The following CGA variants were observed in gnomAD, a reference collection of about 807,000 sequenced individuals.
The protein encoded by CGA is glycoprotein hormones, alpha polypeptide.
Under a neutral mutation model 12.0 loss-of-function variants are expected in CGA, and 4 were observed. The observed-to-expected ratio is 0.33, with a 90% CI of 0.16 to 0.76. The LOEUF (loss-of-function observed/expected upper bound fraction) is 0.76, where lower values mean the gene tolerates loss of function less well. Ranked by LOEUF, CGA falls within the 30% of genes least tolerant of loss-of-function variation. The pLI is 0.60. For missense variants in CGA, 102 were observed against 143.5 expected (o/e 0.71, Z 1.48); for synonymous variants, 60 against 56.6 (o/e 1.06, Z -0.27).
intron 1 of CGA, among the ~76,000 whole-genome samples, chr6:87,091,199 G>A (rs1000547065): frequency 2.6e-5 from 4 of 152,098 alleles, no homozygotes; most frequent in South Asian, 4.1e-4. Flanking sequence ...AAGTCAATGC[G>A]CATTTTAGAA....
chr6:87,093,636 G>A (rs758427163), intron 1 of CGA, among the ~76,000 whole-genome samples: 2 of 152,178 alleles, frequency 1.3e-5, no homozygotes, highest in Non-Finnish European at 2.9e-5. Flanking sequence ...TGAGAAAGTA[G>A]ATTACTTTGA....
chr6:87,092,083 G>GTT (rs1554189001), intron 1 of CGA, among the ~76,000 whole-genome samples: 1 of 101,012 alleles, frequency 9.9e-6, no homozygotes, highest in Non-Finnish European at 2.1e-5. Flanking sequence ...ACTTTAAAAG[G>GTT]ATTTTTTTTT....
intron 1 of CGA, among the ~76,000 whole-genome samples, chr6:87,090,456 A>T (rs1255125156): frequency 6.6e-6 from 1 of 152,054 alleles, no homozygotes; most frequent in Non-Finnish European, 1.5e-5. Flanking sequence ...AAACAATGCC[A>T]CTCATCACTA....
intron 1 of CGA, among the ~76,000 whole-genome samples, chr6:87,091,190 A>G (rs1023809583): frequency 3.2e-4 from 48 of 152,238 alleles, no homozygotes; most frequent in Non-Finnish European, 1.8e-4. Flanking sequence ...GAAAGCATGA[A>G]GTCAATGCGC....
At chr6:87,087,348 C>G (rs1769342151) in intron 2 of CGA, among the ~76,000 whole-genome samples, 1 of 152,188 alleles carries the variant, frequency 6.6e-6, no homozygotes, top group Non-Finnish European at 1.5e-5. Flanking sequence ...CATGGATTCT[C>G]TATCCCAATG....
At chr6:87,088,352 A>G (rs879536740) in intron 1 of CGA, 145 bp from the exon 2 acceptor site, 7 of 443,860 alleles carry the variant, frequency 1.6e-5, no homozygotes, top group Admixed American at 1.2e-4. Flanking sequence ...AGCTCCCAAC[A>G]TATACTAAAA....
chr6:87,090,778 C>T lies in CGA; in HGVS notation c.-7-2571G>A, dbSNP rs1312570723. ...TCAGCCTCCCGAATAGCTGGGACTA[C>T]AGGCACATGCCACCACGCTTGGCTA... On this transcript the variant is annotated intron_variant, in intron 1 of 3. Coordinates refer to ENST00000627148, the MANE Select transcript of CGA (RefSeq NM_000735.4). 4.0e-5 allele frequency among the ~76,000 whole-genome samples: 6 copies of T among 150,776 alleles called. No homozygotes were observed. The Admixed American group carries it at 4.0e-4, about 10-fold the overall frequency.
intron 1 of CGA, among the ~76,000 whole-genome samples, 178 bp from the exon 2 acceptor site, chr6:87,088,385 A>T (rs1348407539): frequency 6.6e-6 from 1 of 152,120 alleles, no homozygotes; most frequent in African/African-American, 2.4e-5. Flanking sequence ...TTTTAAAAAA[A>T]GTTCTCCTTA....
intron 2 of CGA, 33 bp downstream of exon 2, chr6:87,088,080 C>G (rs529537539): frequency 1.5e-6 from 2 of 1,318,868 alleles, no homozygotes; most frequent in African/African-American, 3.0e-5. Context: ...GTGTGTTGTC[C>G]TTATTACTTG....
chr6:87,092,745 T>A, intron 1 of CGA, among the ~76,000 whole-genome samples: 2 of 109,516 alleles, frequency 1.8e-5, no homozygotes, highest in South Asian at 2.7e-4. Context: ...TAGCTTTCTT[T>A]TTTTTTTTTT....
intron 1 of CGA, among the ~76,000 whole-genome samples, chr6:87,092,665 A>G (rs1769462211): frequency 6.6e-6 from 1 of 152,054 alleles, no homozygotes; most frequent in Non-Finnish European, 1.5e-5. Flanking sequence ...CAGGTATTTT[A>G]AACTGATCAA....
At chr6:87,089,939 A>T (rs1464455457) in intron 1 of CGA, among the ~76,000 whole-genome samples, 3 of 152,236 alleles carry the variant, frequency 2.0e-5, no homozygotes, top group African/African-American at 2.4e-5. Flanking sequence ...ATGTTTAGAC[A>T]TGGGTCTCAT....
Position 87,085,579 on chromosome 6 carries a change from C to T in CGA, c.*177G>A. The T allele has an allele frequency of 1.7e-6, 1 of 585,102 alleles. No individual in the cohort carries two copies. The highest frequency in any genetic ancestry group is 3.1e-6 in the Non-Finnish European group (1 of 320,846). 36.2% of individuals were successfully genotyped at this position (585,102 alleles called of 1,614,324 possible). ...ATTCCAAATGAAAAGAACTAGACTG[C>T]TGATTGTACTGTAGGATAAGGAGGA... On this transcript the variant is annotated 3_prime_UTR_variant, in exon 4 of 4. Coordinates refer to ENST00000627148, the MANE Select transcript of CGA (RefSeq NM_000735.4).
rs1412501151 is a variant in CGA at position 87,086,366 on chromosome 6, T to C, written c.157A>G (p.Met53Val). 1 of 1,613,896 alleles carries C rather than the reference T, an allele frequency of 6.2e-7. No individual in the cohort carries two copies. The highest frequency in any genetic ancestry group is 2.2e-5 in the East Asian group (1 of 44,886). Residue 53 changes from methionine to valine, a missense_variant, in exon 3 of 4, where the codon ATG (methionine) becomes GTG (valine). By Grantham distance (21) the Met-to-Val change is conservative. Transcript: ENST00000627148. ...SQPGAPILQCMGCCFSRAYPT... is the reference protein window; with the variant it reads ...SQPGAPILQCVGCCFSRAYPT... ...TATGCTCTAGAGAAGCAGCAGCCCA[T>C]GCACTGAAGTATTGGGGCACCCGGC... is the stretch of plus-strand genomic sequence containing the variant.
At chr6:87,093,279 G>A (rs1455834946) in intron 1 of CGA, among the ~76,000 whole-genome samples, 1 of 152,086 alleles carries the variant, frequency 6.6e-6, no homozygotes, top group African/African-American at 2.4e-5. Context: ...TTATAACTTG[G>A]AGTCACACAT....
chr6:87,088,679 G>T (rs573291775), intron 1 of CGA, among the ~76,000 whole-genome samples: 154 of 152,176 alleles, frequency 1.0e-3, no homozygotes, highest in Middle Eastern at 3.4e-3. Flanking sequence ...TTAAGGAAAT[G>T]CAAATTAAAA....
chr6:87,086,402 A>C lies in CGA; in HGVS notation c.121T>G (p.Phe41Val). The C allele has an allele frequency of 6.2e-7, 1 of 1,612,996 alleles. No individual in the cohort carries two copies. Among genetic ancestry groups the C allele is most frequent in the Non-Finnish European group, 8.5e-7 (1 of 1,179,592 alleles). ...ATTGGGGCACCCGGCTGGGAGAAGA[A>C]TGGGTTTTCCTGTAGCGTGCATTCT... is the stretch of plus-strand genomic sequence containing the variant. ...CPECTLQENPFFSQPGAPILQ... is the reference protein window; with the variant it reads ...CPECTLQENPVFSQPGAPILQ... Residue 41 changes from phenylalanine (F) to valine (V), a missense_variant, in exon 3 of 4, where the codon TTC becomes GTC. Physicochemically the swap from Phe to Val is conservative, Grantham distance 50. Transcript: ENST00000627148.
intron 1 of CGA, among the ~76,000 whole-genome samples, chr6:87,088,495 T>G (rs1439753359): frequency 6.6e-6 from 1 of 152,106 alleles, no homozygotes; most frequent in African/African-American, 2.4e-5. Context: ...TTCTTTAAAA[T>G]TTAAATTTTA....
chr6:87,086,665 A>G, intron 2 of CGA: 1 of 450,810 alleles, frequency 2.2e-6, no homozygotes, highest in Non-Finnish European at 3.9e-6. Context: ...GCACACCTGT[A>G]GTCCCAGCTG....
Sources: allele counts gnomAD v4.1 joint callset (sites outside exome capture counted in the v4.1 genomes callset), GRCh38; gene constraint gnomAD v4.1.1; transcripts MANE v1.5; gene names NCBI Gene and HGNC (gene_info 2026-07-23, HGNC 2026-07-21).